CDK6: variants seen among roughly 807,000 people sequenced by gnomAD.
The protein encoded by CDK6 is cyclin-dependent kinase 6.
Under a neutral mutation model 37.1 loss-of-function variants are expected in CDK6, and 6 were observed. The observed-to-expected ratio is 0.16, with a 90% CI of 0.09 to 0.32. The LOEUF (loss-of-function observed/expected upper bound fraction) is 0.32. Ranked by LOEUF, CDK6 falls within the 10% of genes least tolerant of loss-of-function variation. The pLI, the probability that CDK6 is intolerant of heterozygous loss-of-function variation, is 1.00. For synonymous variants in CDK6, 160 were observed against 161.3 expected (o/e 0.99, Z 0.06); for missense variants, 224 against 418.9 (o/e 0.53, Z 4.06).
intron 3 of CDK6, among the ~76,000 whole-genome samples, chr7:92,766,672 G>A (rs1347127340): frequency 6.6e-6 from 1 of 152,206 alleles, no homozygotes; most frequent in African/African-American, 2.4e-5. Flanking sequence ...GTTTAGCACA[G>A]GCTAAATTTA....
intron 2 of CDK6, among the ~76,000 whole-genome samples, chr7:92,787,312 A>G (rs998087603): frequency 5.9e-5 from 9 of 152,110 alleles, no homozygotes; most frequent in Non-Finnish European, 1.2e-4. Context: ...ATTTTTAATT[A>G]AAAAAATTAT....
chr7:92,701,459 G>A (rs1797842189), intron 4 of CDK6, among the ~76,000 whole-genome samples: 1 of 151,466 alleles, frequency 6.6e-6, no homozygotes, highest in African/African-American at 2.4e-5. Flanking sequence ...AGGCTGGAGT[G>A]TAGTGGTGCG....
At chr7:92,725,991 A>G (rs1440136188) in intron 3 of CDK6, among the ~76,000 whole-genome samples, 198 bp from the exon 4 acceptor site, 1 of 151,768 alleles carries the variant, frequency 6.6e-6, no homozygotes, top group Non-Finnish European at 1.5e-5. Context: ...AAAAAATTTC[A>G]CTCTCAACCT....
chr7:92,758,841 G>C (rs1318188505), intron 3 of CDK6, among the ~76,000 whole-genome samples: 1 of 152,110 alleles, frequency 6.6e-6, no homozygotes, highest in African/African-American at 2.4e-5. Context: ...TCATTGCAGA[G>C]ATTTTTCACC....
chr7:92,695,988 A>C (rs905155891), intron 4 of CDK6, among the ~76,000 whole-genome samples: 1 of 152,112 alleles, frequency 6.6e-6, no homozygotes, highest in South Asian at 2.1e-4. Context: ...AGAAAGAAGC[A>C]TGTATTCAAT....
At chr7:92,828,827 C>G (rs540419534) in intron 2 of CDK6, among the ~76,000 whole-genome samples, 1 of 152,086 alleles carries the variant, frequency 6.6e-6, no homozygotes, top group Non-Finnish European at 1.5e-5. Context: ...TCTGTAGGAA[C>G]AAAAAATGAG....
chr7:92,743,433 A>T (rs990691135), intron 3 of CDK6, among the ~76,000 whole-genome samples: 3 of 150,844 alleles, frequency 2.0e-5, no homozygotes, highest in African/African-American at 7.3e-5. Context: ...TAAAAAAAGA[A>T]CTCCAGCAAC....
Position 92,609,682 on chromosome 7 carries a change from G to A in CDK6, c.*5458C>T, listed in dbSNP as rs1795518913. 1 of 231,202 alleles carries A rather than the reference G, an allele frequency of 4.3e-6. No homozygotes were observed. The highest frequency in any genetic ancestry group is 8.6e-6 in the Non-Finnish European group (1 of 116,894). 14.3% of individuals were successfully genotyped at this position (231,202 alleles called of 1,614,324 possible). ...TGAAAGCAGCAGAGAGGGTATGTGTGTTTTAACTGGGGCCACTAAAGGAGT... is the reference window on the plus strand; with the variant it reads ...TGAAAGCAGCAGAGAGGGTATGTGTATTTTAACTGGGGCCACTAAAGGAGT... On this transcript the variant is annotated 3_prime_UTR_variant, in exon 8 of 8. Transcript: ENST00000424848.
At chr7:92,655,618 C>T (rs1013394508) in intron 5 of CDK6, among the ~76,000 whole-genome samples, 2 of 152,206 alleles carry the variant, frequency 1.3e-5, no homozygotes, top group Non-Finnish European at 2.9e-5. Flanking sequence ...ACATTTGGCA[C>T]GCTCTTGTTG....
At chr7:92,736,851 A>G (rs1404724475) in intron 3 of CDK6, among the ~76,000 whole-genome samples, 1 of 152,214 alleles carries the variant, frequency 6.6e-6, no homozygotes, top group Non-Finnish European at 1.5e-5. Flanking sequence ...GAGAAGGTCT[A>G]AATTAGAATA....
intron 5 of CDK6, among the ~76,000 whole-genome samples, chr7:92,639,694 T>G (rs1796257429): frequency 6.6e-6 from 1 of 152,218 alleles, no homozygotes; most frequent in South Asian, 2.1e-4. Context: ...AGTTTCTGGT[T>G]TCTTTCATTT....
At chr7:92,689,302 A>T (rs1256265745) in intron 4 of CDK6, among the ~76,000 whole-genome samples, 1 of 152,136 alleles carries the variant, frequency 6.6e-6, no homozygotes, top group African/African-American at 2.4e-5. Context: ...ATGTGTCCAC[A>T]TGTTCTCATC....
Position 92,663,659 on chromosome 7 carries a change from C to T in CDK6, c.647+7767G>A, listed in dbSNP as rs533801276. Among the ~76,000 whole-genome samples the T allele has an allele frequency of 9.2e-5, 14 of 151,476 alleles. 1 individual carries two copies. In the South Asian group the frequency reaches 2.3e-3, roughly 25 times the overall value. Reference sequence around the variant, plus strand: ...GAGGTTGCAGTGAGCCGAGATTGCACCACTGCACTCCAGCCTGGGCAACAG... The same window carrying T: ...GAGGTTGCAGTGAGCCGAGATTGCATCACTGCACTCCAGCCTGGGCAACAG... On this transcript the variant is annotated intron_variant, in intron 5 of 7. Coordinates refer to ENST00000424848, the MANE Select transcript of CDK6 (RefSeq NM_001145306.2).
chr7:92,774,132 AATC>A (rs1258127581), intron 3 of CDK6, among the ~76,000 whole-genome samples: 2 of 152,196 alleles, frequency 1.3e-5, no homozygotes, highest in African/African-American at 4.8e-5. Flanking sequence ...AGCATGTCTC[AATC>A]ATCTTTGAAT....
At chr7:92,683,692 T>C (rs2116627853) in intron 4 of CDK6, among the ~76,000 whole-genome samples, 1 of 150,766 alleles carries the variant, frequency 6.6e-6, no homozygotes, top group East Asian at 2.0e-4. Context: ...GAATTTATAG[T>C]CTACAGAGGA....
At chr7:92,811,039 A>C (rs1312533725) in intron 2 of CDK6, among the ~76,000 whole-genome samples, 1 of 152,096 alleles carries the variant, frequency 6.6e-6, no homozygotes. Context: ...TGACAGAATG[A>C]GAACCCCCCC....
chr7:92,674,951 C>A (rs1228146029), intron 4 of CDK6, among the ~76,000 whole-genome samples: 1 of 152,176 alleles, frequency 6.6e-6, no homozygotes, highest in African/African-American at 2.4e-5. Flanking sequence ...CGTGTCTCAG[C>A]CTCCCAGGTA....
intron 4 of CDK6, among the ~76,000 whole-genome samples, chr7:92,682,808 T>C (rs1191098999): frequency 6.6e-6 from 1 of 152,204 alleles, no homozygotes; most frequent in Non-Finnish European, 1.5e-5. Flanking sequence ...ACCAACATGA[T>C]CTTTAGTCAA....
intron 2 of CDK6, 99 bp downstream of exon 2, chr7:92,832,992 G>T (rs1394774481): frequency 6.2e-6 from 5 of 802,946 alleles, no homozygotes; most frequent in African/African-American, 3.4e-5. Context: ...CTCCCCAGTC[G>T]CCCTCTGCCC....
Sources: gnomAD v4.1 joint callset for allele counts (sites outside exome capture counted in the v4.1 genomes callset) on GRCh38, gnomAD v4.1.1 for gene constraint, MANE v1.5 for transcripts, NCBI Gene and HGNC (gene_info 2026-07-23, HGNC 2026-07-21) for gene names.